CDK14: variants seen among roughly 807,000 people sequenced by gnomAD.
CDK14 encodes the protein cyclin dependent kinase 14, also known as cyclin-dependent kinase 14.
In CDK14, 34 loss-of-function variants were observed where a neutral mutation model predicts 60.7. That is an observed-to-expected ratio of 0.56 (90% confidence interval 0.43 to 0.75). The LOEUF (loss-of-function observed/expected upper bound fraction) is 0.75, where lower values mean the gene tolerates loss of function less well. Ranked by LOEUF, CDK14 falls within the 30% of genes least tolerant of loss-of-function variation. CDK14 has a pLI of 0.00. For missense variants in CDK14, 482 were observed against 564.1 expected (o/e 0.85, Z 1.47); for synonymous variants, 197 against 203.7 (o/e 0.97, Z 0.28).
chr7:90,693,815 G>A (rs1469849296), intron 2 of CDK14, among the ~76,000 whole-genome samples: 2 of 152,154 alleles, frequency 1.3e-5, no homozygotes, highest in South Asian at 2.1e-4. Flanking sequence ...GGTATTAATT[G>A]TAAACTTGCT....
chr7:90,939,600 T>C (rs2117503302), intron 8 of CDK14, among the ~76,000 whole-genome samples: 1 of 152,340 alleles, frequency 6.6e-6, no homozygotes, highest in Admixed American at 6.5e-5. Flanking sequence ...ATTGCATTCA[T>C]TTTATGAATT....
chr7:91,117,507 C>T (rs1326083205), intron 13 of CDK14, among the ~76,000 whole-genome samples: 1 of 152,084 alleles, frequency 6.6e-6, no homozygotes, highest in Non-Finnish European at 1.5e-5. Context: ...TGATTCTCTC[C>T]ACCAATGTCC....
At chr7:90,916,151 G>A (rs1487806809) in intron 7 of CDK14, among the ~76,000 whole-genome samples, 4 of 152,008 alleles carry the variant, frequency 2.6e-5, no homozygotes, top group African/African-American at 9.7e-5. Flanking sequence ...AATTTTCTTA[G>A]AAGTTGTAAG....
intron 2 of CDK14, among the ~76,000 whole-genome samples, chr7:90,702,863 G>T (rs550465749): frequency 1.4e-4 from 21 of 152,168 alleles, no homozygotes; most frequent in Admixed American, 3.9e-4. Flanking sequence ...TGTTTATTTG[G>T]CAGGCTCTTT....
intron 2 of CDK14, chr7:90,709,701 C>A: frequency 6.7e-7 from 1 of 1,497,598 alleles, no homozygotes; most frequent in East Asian, 2.5e-5. Context: ...TTAGCATGTC[C>A]TTTGAGTTCT....
intron 8 of CDK14, among the ~76,000 whole-genome samples, chr7:90,919,931 G>A (rs73407418): frequency 0.028 from 4,203 of 152,324 alleles, 190 homozygotes; most frequent in African/African-American, 0.095. Context: ...CAGAAGGATC[G>A]TGCCCATGCA....
At chr7:91,188,498 C>T (rs888825706) in intron 14 of CDK14, among the ~76,000 whole-genome samples, 4 of 152,042 alleles carry the variant, frequency 2.6e-5, no homozygotes, top group African/African-American at 7.3e-5. Context: ...CTGAGTCTAC[C>T]AGTTAAGAGC....
intron 6 of CDK14, among the ~76,000 whole-genome samples, chr7:90,897,826 CT>C (rs1173990698): frequency 6.6e-6 from 1 of 152,060 alleles, no homozygotes; most frequent in African/African-American, 2.4e-5. Context: ...GTATTCCCAT[CT>C]GTACTTAGTT....
chr7:90,802,857 A>T (rs1048552339), intron 5 of CDK14, among the ~76,000 whole-genome samples: 6 of 152,182 alleles, frequency 3.9e-5, no homozygotes, highest in African/African-American at 1.4e-4. Flanking sequence ...GATCAAGAAG[A>T]GTTATCATCT....
At chr7:90,710,169 G>A (rs1394649736) in intron 2 of CDK14, 2 of 985,198 alleles carry the variant, frequency 2.0e-6, no homozygotes, top group Non-Finnish European at 2.4e-6. Flanking sequence ...TCATGGGAGA[G>A]TCTTTTGAGG....
Position 90,637,396 on chromosome 7 carries a change from T to A in CDK14, c.123+33147T>A, listed in dbSNP as rs1256474816. ...TCTGCCTTCATTTCGTTATGTACCC[T>A]GTAGTCATTCAGGAGCAGGTTGTTC... On this transcript the variant is annotated intron_variant, in intron 2 of 14. Coordinates refer to ENST00000380050, the MANE Select transcript of CDK14 (RefSeq NM_001287135.2). Among the ~76,000 whole-genome samples, 541 of 150,512 alleles carry A rather than the reference T, an allele frequency of 3.6e-3. 6 individuals are homozygous for A. Among genetic ancestry groups the A allele is most frequent in the African/African-American group, 0.012 (512 of 40,994 alleles).
chr7:90,860,361 A>G (rs1252967869), intron 5 of CDK14, among the ~76,000 whole-genome samples: 2 of 152,014 alleles, frequency 1.3e-5, no homozygotes, highest in East Asian at 1.9e-4. Context: ...CCATAATTCT[A>G]TTTTTCACAA....
chr7:90,948,355 C>A (rs895637297), intron 8 of CDK14, among the ~76,000 whole-genome samples: 1 of 152,124 alleles, frequency 6.6e-6, no homozygotes, highest in Non-Finnish European at 1.5e-5. Flanking sequence ...ATTTTGCATT[C>A]TCTGCTAATG....
intron 11 of CDK14, among the ~76,000 whole-genome samples, chr7:91,065,577 T>A (rs918713545): frequency 2.0e-5 from 3 of 152,252 alleles, no homozygotes; most frequent in African/African-American, 7.2e-5. Context: ...TTAAAATATC[T>A]TGATCAGAGT....
At chr7:90,950,427 T>C (rs1242721303) in intron 8 of CDK14, among the ~76,000 whole-genome samples, 10 of 152,204 alleles carry the variant, frequency 6.6e-5, no homozygotes, top group Admixed American at 4.6e-4. Context: ...ATTTTGAAGA[T>C]AATATTGTGC....
chr7:90,892,956 T>G (rs1562816274), intron 6 of CDK14, among the ~76,000 whole-genome samples: 1 of 152,128 alleles, frequency 6.6e-6, no homozygotes, highest in Non-Finnish European at 1.5e-5. Flanking sequence ...TTTTTTATAT[T>G]TTTAATAGAG....
At chr7:90,826,215 T>C (rs1425709327) in intron 5 of CDK14, among the ~76,000 whole-genome samples, 3 of 152,164 alleles carry the variant, frequency 2.0e-5, no homozygotes, top group Non-Finnish European at 4.4e-5. Context: ...TCAGTATTTA[T>C]TTATATTTAT....
chr7:90,733,733 G>GT (rs1383213628), intron 3 of CDK14, among the ~76,000 whole-genome samples: 1 of 152,164 alleles, frequency 6.6e-6, no homozygotes, highest in Non-Finnish European at 1.5e-5. Context: ...CCTTAATACA[G>GT]CACACTGATG....
At chr7:91,104,105 A>G (rs696029) in intron 12 of CDK14, among the ~76,000 whole-genome samples, 63,469 of 151,944 alleles carry the variant, frequency 0.42, 14,333 homozygotes, top group East Asian at 0.82. Flanking sequence ...AACAACAAAC[A>G]TCTTTTTACA....
Sources: allele counts gnomAD v4.1 joint callset (sites outside exome capture counted in the v4.1 genomes callset), GRCh38; gene constraint gnomAD v4.1.1; transcripts MANE v1.5; gene names NCBI Gene and HGNC (gene_info 2026-07-23, HGNC 2026-07-21).